Variants in HYCC1 observed in about 807,000 individuals in gnomAD.
The protein encoded by HYCC1 is hyccin PI4KA lipid kinase complex subunit 1, also known as hyccin.
the HYCC1 span, among the ~76,000 whole-genome samples, chr7:22,914,407 C>T: frequency 6.6e-6 from 1 of 152,226 alleles, no homozygotes; most frequent in Non-Finnish European, 1.5e-5. Context: ...CCCTTCTTCT[C>T]CCTTAGCCTG....
the HYCC1 span, among the ~76,000 whole-genome samples, chr7:22,919,714 C>T: frequency 6.6e-6 from 1 of 151,128 alleles, no homozygotes; most frequent in African/African-American, 2.4e-5. Context: ...TCAGAAGAAT[C>T]AACAAACTTA....
the HYCC1 span, among the ~76,000 whole-genome samples, chr7:23,002,136 G>GTA: frequency 6.3e-3 from 485 of 76,494 alleles, 6 homozygotes; most frequent in Admixed American, 8.5e-3. Context: ...GGTAAAAATT[G>GTA]TATATATATA....
the HYCC1 span, among the ~76,000 whole-genome samples, chr7:22,898,935 C>T: frequency 6.6e-6 from 1 of 152,158 alleles, no homozygotes; most frequent in Non-Finnish European, 1.5e-5. Flanking sequence ...CCAAGCACTC[C>T]CTTGTGTGTC....
At chr7:22,923,476 T>G in the HYCC1 span, among the ~76,000 whole-genome samples, 1 of 152,050 alleles carries the variant, frequency 6.6e-6, no homozygotes, top group Non-Finnish European at 1.5e-5. Flanking sequence ...ATCAATAACC[T>G]AATCTTCCAT....
At chr7:22,900,627 T>C in the HYCC1 span, among the ~76,000 whole-genome samples, 4 of 151,860 alleles carry the variant, frequency 2.6e-5, no homozygotes, top group African/African-American at 9.7e-5. Flanking sequence ...CAAAGAAATA[T>C]AGCTAAAAAT....
At chr7:22,940,242 T>TTTTG in the HYCC1 span, 4 of 14,642 alleles carry the variant, frequency 2.7e-4, 1 homozygote, top group African/African-American at 8.1e-4. Context: ...TTCTGTTTTT[T>TTTTG]TTTTTTTTTT....
the HYCC1 span, chr7:22,940,584 G>A: frequency 2.0e-5 from 3 of 151,896 alleles, no homozygotes; most frequent in Non-Finnish European, 4.4e-5. Context: ...ATGCTATAAT[G>A]CAATTCATGT....
At chr7:22,929,063 C>A in the HYCC1 span, among the ~76,000 whole-genome samples, 1 of 152,176 alleles carries the variant, frequency 6.6e-6, no homozygotes, top group Non-Finnish European at 1.5e-5. Flanking sequence ...TGATCTTTGA[C>A]AAACCTGACA....
chr7:22,964,340 T>G, the HYCC1 span: 1 of 848,428 alleles, frequency 1.2e-6, no homozygotes, highest in Non-Finnish European at 2.1e-6. Flanking sequence ...CATTATAATA[T>G]AGTGACAATA....
At chr7:22,976,646 T>C in the HYCC1 span, 1 of 1,166,822 alleles carries the variant, frequency 8.6e-7, no homozygotes. Flanking sequence ...ATAATTTTCT[T>C]AAAAAATTAG....
chr7:23,002,428 T>C, the HYCC1 span, among the ~76,000 whole-genome samples: 1 of 152,010 alleles, frequency 6.6e-6, no homozygotes, highest in East Asian at 1.9e-4. Context: ...TTTTCTACCA[T>C]GAAGAAGCAA....
the HYCC1 span, among the ~76,000 whole-genome samples, chr7:22,911,558 G>T: frequency 6.6e-6 from 1 of 152,156 alleles, no homozygotes; most frequent in Non-Finnish European, 1.5e-5. Flanking sequence ...AAGAGATGGA[G>T]ACCATCCTAG....
At chr7:22,914,556 A>G in the HYCC1 span, among the ~76,000 whole-genome samples, 24 of 152,020 alleles carry the variant, frequency 1.6e-4, no homozygotes, top group Non-Finnish European at 3.4e-4. Context: ...TGATTTCTCC[A>G]TCTTACAAGA....
the HYCC1 span, among the ~76,000 whole-genome samples, chr7:22,985,164 C>T: frequency 6.6e-6 from 1 of 152,202 alleles, no homozygotes; most frequent in Non-Finnish European, 1.5e-5. Flanking sequence ...ATATTCCTAA[C>T]TCACTCTAAA....
the HYCC1 span, chr7:23,013,988 G>C: frequency 2.1e-6 from 1 of 470,950 alleles, no homozygotes; most frequent in Non-Finnish European, 4.4e-6. Flanking sequence ...CGACAGCGAC[G>C]GAGGCTGCTC....
the HYCC1 span, among the ~76,000 whole-genome samples, chr7:22,986,526 T>C: frequency 1.3e-5 from 2 of 152,222 alleles, no homozygotes; most frequent in African/African-American, 2.4e-5. Flanking sequence ...AAGCACCTAA[T>C]GGAAAATTAT....
At chr7:22,904,045 T>C in the HYCC1 span, among the ~76,000 whole-genome samples, 1 of 152,020 alleles carries the variant, frequency 6.6e-6, no homozygotes, top group Non-Finnish European at 1.5e-5. Flanking sequence ...TAAAACAAAA[T>C]CAAGAAAATG....
the HYCC1 span, among the ~76,000 whole-genome samples, chr7:23,002,853 A>G: frequency 1.3e-5 from 2 of 152,190 alleles, no homozygotes; most frequent in Non-Finnish European, 2.9e-5. Context: ...GGAGTCTAAG[A>G]TCAAGATTCA....
the HYCC1 span, among the ~76,000 whole-genome samples, chr7:22,968,918 G>A: frequency 2.6e-5 from 4 of 152,008 alleles, no homozygotes; most frequent in South Asian, 2.1e-4. Context: ...CCCAGGAGGC[G>A]GAGGTTGCAA....
Sources: gnomAD v4.1 joint callset for allele counts (sites outside exome capture counted in the v4.1 genomes callset) on GRCh38, gnomAD v4.1.1 for gene constraint, MANE v1.5 for transcripts, NCBI Gene and HGNC (gene_info 2026-07-23, HGNC 2026-07-21) for gene names.